The following C3 variants were observed in gnomAD, a reference collection of about 807,000 sequenced individuals.
The protein encoded by C3 is complement C3.
A neutral mutation model predicts 207.9 loss-of-function variants in C3; 97 were observed. The observed-to-expected ratio is 0.47, with a 90% CI of 0.40 to 0.55. The LOEUF is 0.55. Ranked by LOEUF, C3 falls within the 20% of genes least tolerant of loss-of-function variation. C3 has a pLI of 0.00. For synonymous variants in C3, 848 were observed against 857.6 expected (o/e 0.99, Z 0.20); for missense variants, 1,684 against 2,171.7 (o/e 0.78, Z 4.46).
Position 6,693,077 on chromosome 19 carries a change from G to T in C3, c.3237C>A (p.Thr1079=), listed in dbSNP as rs761091967. The change falls in exon 26 of 41, where the codon ACC becomes ACA. Residue 1079 remains threonine, a synonymous_variant. Transcript: ENST00000245907. Reference sequence around the variant, plus strand: ...GAGAGAAGACCTTGACCACGTAGGCGGTCAGCCTGGAGTGGGCACAGAGCA... The same window carrying T: ...GAGAGAAGACCTTGACCACGTAGGCTGTCAGCCTGGAGTGGGCACAGAGCA... The part of the protein sequence containing the change: ...FVKRAPSTWL[T]AYVVKVFSLA... The T allele has an allele frequency of 6.2e-7, 1 of 1,613,978 alleles. No individual in the cohort carries two copies. The highest frequency in any genetic ancestry group is 8.5e-7 in the Non-Finnish European group (1 of 1,179,978).
Position 6,718,401 on chromosome 19 carries a change from G to A in C3, c.279C>T (p.Asn93=), listed in dbSNP as rs1379335415. The stretch of plus-strand genomic sequence containing the variant: ...GCCCCTTTTCTGACTTGAACTCCCT[G>A]TTGGCTGGGATCTAGGCGTGGGCAG... The part of the protein sequence containing the change: ...MGNVTFTIPA[N]REFKSEKGRN... Residue 93 remains asparagine, a synonymous_variant, in exon 3 of 41, where the codon AAC becomes AAT. Transcript: ENST00000245907. 4 of 1,614,098 alleles carry A rather than the reference G, an allele frequency of 2.5e-6. No homozygotes were observed. Among genetic ancestry groups the A allele is most frequent in the African/African-American group, 1.3e-5 (1 of 74,942 alleles).
chr19:6,679,547 G>T (rs1917806936), intron 36 of C3, 51 bp from the exon 37 acceptor site: 1 of 1,317,296 alleles, frequency 7.6e-7, no homozygotes, highest in Non-Finnish European at 1.1e-6. Flanking sequence ...TCCCTCCAAA[G>T]ACCATGCCTG....
intron 29 of C3, among the ~76,000 whole-genome samples, chr19:6,685,440 C>T (rs192194745): frequency 6.6e-6 from 1 of 152,226 alleles, no homozygotes; most frequent in Admixed American, 6.5e-5. Context: ...GCAGTCTAGA[C>T]CCATCAAGAG....
At chr19:6,684,754 G>A (rs749573150) in intron 31 of C3, 21 bp downstream of exon 31, 3 of 1,613,546 alleles carry the variant, frequency 1.9e-6, no homozygotes, top group Admixed American at 1.7e-5. Flanking sequence ...GGCCAGGCAG[G>A]TGTGGGTTTC....
At chr19:6,680,600 G>T (rs1347298616) in intron 35 of C3, among the ~76,000 whole-genome samples, 2 of 152,170 alleles carry the variant, frequency 1.3e-5, no homozygotes, top group Non-Finnish European at 2.9e-5. Context: ...AGGATGGAAG[G>T]TGCTTGGATC....
chr19:6,696,550 T>C lies in C3; in HGVS notation c.2863+43A>G, dbSNP rs769451944. 6.2e-6 allele frequency: 10 copies of C among 1,606,346 alleles called. No individual in the cohort carries two copies. The South Asian group carries it at 6.6e-5, about 11-fold the overall frequency. On this transcript the variant is annotated intron_variant, in intron 22 of 40. Transcript: ENST00000245907. ...CTAAACCCAGGTCATTTACCCCCCT[T>C]ACCCTGCCAGCCCCTCAGCCCCTCC...
chr19:6,686,173 C>T lies in C3; in HGVS notation c.3761G>A (p.Arg1254His), dbSNP rs571907143. Residue 1254 changes from arginine to histidine, a missense_variant, in exon 29 of 41, where the codon CGT becomes CAT. By Grantham distance (29) the Arg-to-His change is conservative (BLOSUM62 0). Transcript: ENST00000245907. ...KDFDFVPPVV[R>H]WLNEQRYYGG... The stretch of plus-strand genomic sequence containing the variant: ...GTAGTATCTCTGTTCATTGAGCCAA[C>T]GCACGACGGGAGGCACAAAGTCAAA... 2.0e-5 allele frequency: 32 copies of T among 1,614,160 alleles called. No individual in the cohort carries two copies. The highest frequency in any genetic ancestry group is 4.4e-5 in the South Asian group (4 of 91,084).
At chr19:6,710,461 TAAA>T (rs1202359016) in intron 13 of C3, among the ~76,000 whole-genome samples, 175 bp downstream of exon 13, 1 of 115,292 alleles carries the variant, frequency 8.7e-6, no homozygotes. Context: ...GAAAGAGAGA[TAAA>T]AAGAGAGACA....
Position 6,684,926 on chromosome 19 carries a change from A to G in C3, c.3969+62T>C. On this transcript the variant is annotated intron_variant, in intron 30 of 40. Coordinates refer to ENST00000245907, the MANE Select transcript of C3 (RefSeq NM_000064.4). ...CTGGCCCTCCCTCTTGCTTCCCAGT[A>G]AACCCTGGCTAGTGTAGGGGGAGAC... 3 of 1,610,504 alleles carry G rather than the reference A, an allele frequency of 1.9e-6. No homozygotes were observed. The South Asian group carries it at 3.3e-5, about 18-fold the overall frequency.
At chr19:6,707,367 G>T (rs1967803651) in intron 16 of C3, 94 bp from the exon 17 acceptor site, 3 of 1,592,710 alleles carry the variant, frequency 1.9e-6, no homozygotes, top group Non-Finnish European at 1.7e-6. Flanking sequence ...CTTCCCCGCC[G>T]CCAGGGCCTC....
intron 31 of C3, 32 bp downstream of exon 31, chr19:6,684,743 G>T: frequency 6.2e-7 from 1 of 1,612,614 alleles, no homozygotes; most frequent in Non-Finnish European, 8.5e-7. Flanking sequence ...AGAGGGGCAT[G>T]GGCCAGGCAG....
intron 38 of C3, among the ~76,000 whole-genome samples, chr19:6,678,842 C>T (rs761716815): frequency 6.6e-6 from 1 of 152,166 alleles, no homozygotes; most frequent in Non-Finnish European, 1.5e-5. Flanking sequence ...TCTACAACCA[C>T]ACAGCCTCAC....
In C3 at chr19:6,720,613, G is replaced by T; in HGVS notation, c.-24C>A. On this transcript the variant is annotated 5_prime_UTR_variant, in exon 1 of 41. It adds an upstream start codon to the 5' untranslated region. Coordinates refer to ENST00000245907, the MANE Select transcript of C3 (RefSeq NM_000064.4). ...ATGGTGCTGGGACAGTGCAGGGTCA[G>T]AGGGACAGAGGGACAGAGGGAGAGG... The T allele has an allele frequency of 1.3e-6, 2 of 1,494,230 alleles. No homozygotes were observed. Among genetic ancestry groups the T allele is most frequent in the Non-Finnish European group, 1.8e-6 (2 of 1,092,554 alleles). 92.6% of individuals were successfully genotyped at this position (1,494,230 alleles called of 1,614,324 possible).
Position 6,719,336 on chromosome 19 carries a change from C to T in C3, c.142G>A (p.Asp48Asn), listed in dbSNP as rs141447426. Residue 48 changes from aspartate to asparagine, a missense_variant, in exon 2 of 41, where the codon GAC becomes AAC. Asp to Asn is a conservative substitution (Grantham distance 23). Coordinates refer to ENST00000245907, the MANE Select transcript of C3 (RefSeq NM_000064.4). The surrounding 1 kb of genome is among the most constrained non-coding windows in gnomAD (Gnocchi z 5.4). ...GTGACTGGAACATCCCCTTGCGCGT[C>T]GTGGGCCTCCAGCACCATGGTCTCC... ...SEETMVLEAH[D>N]AQGDVPVTVT... is the part of the protein sequence containing the mutation. The T allele has an allele frequency of 1.2e-5, 20 of 1,613,918 alleles. No individual in the cohort carries two copies. In the South Asian group the frequency reaches 1.5e-4, roughly 12 times the overall value.
intron 13 of C3, among the ~76,000 whole-genome samples, chr19:6,710,272 AAG>A (rs774808312): frequency 8.0e-5 from 7 of 87,652 alleles, no homozygotes; most frequent in Admixed American, 1.1e-4. Context: ...GGGAGAGGGA[AAG>A]AGAGAGGGAG....
At chr19:6,709,955 G>T in intron 13 of C3, 113 bp from the exon 14 acceptor site, 1 of 888,208 alleles carries the variant, frequency 1.1e-6, no homozygotes, top group Non-Finnish European at 1.8e-6. Context: ...GGGAGCCGTG[G>T]GGCTGGGGAG....
At position 6,713,693 on chromosome 19, in the gene C3, C is replaced by G. The variant is rs1292934804; in HGVS notation, c.774-184G>C. On this transcript the variant is annotated intron_variant, in intron 7 of 40. Transcript: ENST00000245907. ...CCCACCTTGCCCCACTCCCACCCCC[C>G]ACATGGTCCCACCTCCAGCCCCTCA... The G allele has an allele frequency of 5.8e-4, 319 of 547,360 alleles. 1 individual carries two copies. The highest frequency in any genetic ancestry group is 4.8e-3 in the African/African-American group (202 of 41,782). 33.9% of individuals were successfully genotyped at this position (547,360 alleles called of 1,614,324 possible). A position where few individuals can be genotyped will look rare whatever the true frequency, so the allele number is the denominator to read the frequency against.
At chr19:6,679,524 G>C (rs1310751182) in intron 36 of C3, 28 bp from the exon 37 acceptor site, 2 of 1,489,638 alleles carry the variant, frequency 1.3e-6, no homozygotes, top group Non-Finnish European at 1.9e-6. Flanking sequence ...GTGAAGATGA[G>C]AGGATAAGGG....
intron 27 of C3, among the ~76,000 whole-genome samples, chr19:6,688,905 G>C (rs139651907): frequency 2.0e-5 from 3 of 152,290 alleles, no homozygotes; most frequent in Non-Finnish European, 4.4e-5. Context: ...ATCTGACCCA[G>C]GCTGAGCCAA....
Sources: gnomAD v4.1 joint callset for allele counts (sites outside exome capture counted in the v4.1 genomes callset) on GRCh38, gnomAD v4.1.1 for gene constraint, Gnocchi (gnomAD v3.1) non-coding constraint, MANE v1.5 for transcripts, NCBI Gene and HGNC (gene_info 2026-07-23, HGNC 2026-07-21) for gene names.